PRPF40B: variants seen among roughly 807,000 people sequenced by gnomAD.
The protein encoded by PRPF40B is pre-mRNA processing factor 40B.
A neutral mutation model predicts 124.5 loss-of-function variants in PRPF40B; 56 were observed. That is an observed-to-expected ratio of 0.45 (90% CI 0.36 to 0.56). The LOEUF (loss-of-function observed/expected upper bound fraction) is 0.56. Ranked by LOEUF, PRPF40B falls within the 20% of genes least tolerant of loss-of-function variation. The probability of loss-of-function intolerance (pLI) is 0.00; values close to 1 mark genes in which losing one functional copy is unlikely to be tolerated. For missense variants in PRPF40B, 1,053 were observed against 1,169.5 expected (o/e 0.90, Z 1.45); for synonymous variants, 443 against 426.4 (o/e 1.04, Z -0.48).
At position 49,633,562 on chromosome 12, in the gene PRPF40B, G is replaced by C. The variant is rs7980832; in HGVS notation, c.580+15G>C. Reference sequence around the variant, plus strand: ...TGACCTAGAGGGTGAGATGTCCTACGGGTGGGCCAGGTCAGGAGCTCTGGG... The same window carrying C: ...TGACCTAGAGGGTGAGATGTCCTACCGGTGGGCCAGGTCAGGAGCTCTGGG... On this transcript the variant is annotated intron_variant, in intron 8 of 25. Coordinates refer to ENST00000548825, the MANE Select transcript of PRPF40B (RefSeq NM_001031698.3). 5.6e-6 allele frequency: 9 copies of C among 1,614,220 alleles called. No homozygotes were observed. Among genetic ancestry groups the C allele is most frequent in the African/African-American group, 1.3e-5 (1 of 75,066 alleles).
In PRPF40B at chr12:49,635,678, T is replaced by C. The variant is rs1269392906; in HGVS notation, c.1276-165T>C. On this transcript the variant is annotated intron_variant, in intron 14 of 25. Coordinates refer to ENST00000548825, the MANE Select transcript of PRPF40B (RefSeq NM_001031698.3). The surrounding 1 kb of genome is among the most constrained non-coding windows in gnomAD (Gnocchi z 4.1). ...GCAGGGAGGAGGAGTCTCTGAGAGA[T>C]GGGTCTGTAACCTGTACTCCCTCCC... 2.0e-5 allele frequency among the ~76,000 whole-genome samples: 3 copies of C among 152,054 alleles called. No homozygotes were observed. In the South Asian group the frequency reaches 6.2e-4, roughly 31 times the overall value.
chr12:49,628,130 C>T (rs1427742153), intron 1 of PRPF40B, among the ~76,000 whole-genome samples: 2 of 152,118 alleles, frequency 1.3e-5, no homozygotes, highest in African/African-American at 2.4e-5. Context: ...CTGAGGAAAG[C>T]GTCAGGGGCA....
At chr12:49,632,252 T>C (rs946322293) in intron 4 of PRPF40B, 16 of 576,882 alleles carry the variant, frequency 2.8e-5, no homozygotes, top group African/African-American at 2.2e-4. Context: ...GAAGAGTCAG[T>C]AGCACCTGGG....
At position 49,642,195 on chromosome 12, in the gene PRPF40B, C is replaced by A; in HGVS notation, c.1885-40C>A. The A allele has an allele frequency of 6.2e-7, 1 of 1,613,832 alleles. No homozygotes were observed. The highest frequency in any genetic ancestry group is 8.5e-7 in the Non-Finnish European group (1 of 1,179,904). ...TGCCTGAGTGGGACCTGGCATCCAC[C>A]CTCCTGGGTGACCCTGTTCCGTGTC... On this transcript the variant is annotated intron_variant, in intron 19 of 25. Transcript: ENST00000548825. This position sits in a 1 kb window ranked among gnomAD's most constrained non-coding sequence, Gnocchi z 5.8.
chr12:49,634,699 C>CCAGAGT, intron 12 of PRPF40B, 97 bp downstream of exon 12: 1 of 1,470,716 alleles, frequency 6.8e-7, no homozygotes, highest in Non-Finnish European at 9.4e-7. Context: ...CCTAAGGGAA[C>CCAGAGT]CAGAGTCAGG....
intron 9 of PRPF40B, 33 bp downstream of exon 9, chr12:49,633,694 TGGG>T: frequency 6.2e-7 from 1 of 1,614,050 alleles, no homozygotes; most frequent in Non-Finnish European, 8.5e-7. Context: ...CATTTATAGT[TGGG>T]GCACCTGGAG....
At chr12:49,632,383 TGAG>T (rs1459289790) in intron 4 of PRPF40B, 5 of 611,060 alleles carry the variant, frequency 8.2e-6, no homozygotes, top group African/African-American at 5.5e-5. Context: ...TACTCTCACT[TGAG>T]GAGAACGAAG....
Position 49,644,486 on chromosome 12 carries a change from G to T in PRPF40B, c.*294G>T. 2.4e-6 allele frequency: 1 copy of T among 418,104 alleles called. No individual in the cohort carries two copies. Among genetic ancestry groups the T allele is most frequent in the Non-Finnish European group, 4.5e-6 (1 of 220,928 alleles). 25.9% of individuals were successfully genotyped at this position (418,104 alleles called of 1,614,324 possible). On this transcript the variant is annotated 3_prime_UTR_variant, in exon 26 of 26. Coordinates refer to ENST00000548825, the MANE Select transcript of PRPF40B (RefSeq NM_001031698.3). ...AAAGTGTGAGAGAAGGGGTCTCCAG[G>T]GAAGAGTCACAGGCTGTTGGACGCA... is the stretch of plus-strand genomic sequence containing the variant.
At chr12:49,634,303 C>T (rs1941528038) in intron 10 of PRPF40B, 29 bp from the exon 11 acceptor site, 2 of 1,613,792 alleles carry the variant, frequency 1.2e-6, no homozygotes, top group Admixed American at 3.3e-5. Context: ...GCTGGGGGAC[C>T]CTGTGGCTGA....
In PRPF40B at chr12:49,631,760, A is replaced by C. The variant is rs964382004; in HGVS notation, c.229-100A>C. On this transcript the variant is annotated intron_variant, in intron 3 of 25. Transcript: ENST00000548825. The surrounding 1 kb of genome is among the most constrained non-coding windows in gnomAD (Gnocchi z 4.3). ...CTGAGGAAGTGCCCAAGTGAGGGTC[A>C]TGGCTCCAGTGAGATGTCTCAGGAC... The C allele has an allele frequency of 3.6e-5, 48 of 1,324,976 alleles. No homozygotes were observed. Among genetic ancestry groups the C allele is most frequent in the Middle Eastern group, 2.4e-4 (1 of 4,090 alleles). The allele number at this position is 1,324,976 out of a possible 1,614,324, so 82.1% of individuals were successfully genotyped here.
chr12:49,642,761 AC>A lies in PRPF40B; in HGVS notation c.2118+89del. 6.8e-7 allele frequency: 1 copy of A among 1,476,202 alleles called. No individual in the cohort carries two copies. The highest frequency in any genetic ancestry group is 9.3e-7 in the Non-Finnish European group (1 of 1,077,010). 91.4% of individuals were successfully genotyped at this position (1,476,202 alleles called of 1,614,324 possible). ...CAGAGACCTCAGTGGCCTCCCTCTT[AC>A]CCTTAGGGCACTCCTGGCCAGCTAA... On this transcript the variant is annotated intron_variant, in intron 21 of 25. Coordinates refer to ENST00000548825, the MANE Select transcript of PRPF40B (RefSeq NM_001031698.3). The surrounding 1 kb of genome is among the most constrained non-coding windows in gnomAD (Gnocchi z 5.8).
chr12:49,630,401 G>T, intron 1 of PRPF40B, 144 bp from the exon 2 acceptor site: 1 of 691,000 alleles, frequency 1.4e-6, no homozygotes, highest in South Asian at 1.5e-5. Flanking sequence ...AAGGGCTAAG[G>T]GCTTGGGGTG....
At chr12:49,637,853 ACAGGATGGATG>A in intron 18 of PRPF40B, 29 bp downstream of exon 18, 2 of 1,541,282 alleles carry the variant, frequency 1.3e-6, no homozygotes, top group South Asian at 1.1e-5. Flanking sequence ...ATGGATGGAT[ACAGGATGGATG>A]CAGGGCACAC....
chr12:49,637,201 G>T (rs1275644160), intron 16 of PRPF40B: 1 of 574,884 alleles, frequency 1.7e-6, no homozygotes, highest in Non-Finnish European at 3.1e-6. Context: ...TAGTGCTAGG[G>T]GTTACTGCAG....
chr12:49,643,052 T>C, intron 22 of PRPF40B, 36 bp downstream of exon 22: 2 of 1,605,962 alleles, frequency 1.2e-6, no homozygotes, highest in South Asian at 2.2e-5. Flanking sequence ...GGGGTGAAGC[T>C]GGGTTGTTTT....
Position 49,631,904 on chromosome 12 carries a change from A to G in PRPF40B, c.273A>G (p.Pro91=), listed in dbSNP as rs146982042. The part of the protein sequence containing the change: ...VPPMMPGMLM[P]AVPVTAATAP... ...CGATGATGCCAGGAATGCTGATGCC[A>G]GCGGTGCCTGTCACCGCAGCGGTAA... is the stretch of plus-strand genomic sequence containing the variant. Residue 91 remains proline (P), a synonymous_variant, in exon 4 of 26, where the codon CCA becomes CCG. Coordinates refer to ENST00000548825, the MANE Select transcript of PRPF40B (RefSeq NM_001031698.3). This position sits in a 1 kb window ranked among gnomAD's most constrained non-coding sequence, Gnocchi z 4.3. 576 of 1,614,160 alleles carry G rather than the reference A, an allele frequency of 3.6e-4. 3 individuals carry two copies. Among genetic ancestry groups the G allele is most frequent in the Non-Finnish European group, 3.6e-4 (427 of 1,179,988 alleles).
intron 12 of PRPF40B, 119 bp from the exon 13 acceptor site, chr12:49,634,980 G>A (rs750312376): frequency 1.3e-5 from 14 of 1,070,894 alleles, no homozygotes; most frequent in African/African-American, 3.2e-5. Context: ...TCAGATCCCA[G>A]ACATCTGTGC....
intron 17 of PRPF40B, 36 bp from the exon 18 acceptor site, chr12:49,637,697 G>GC: frequency 6.9e-7 from 1 of 1,450,742 alleles, no homozygotes; most frequent in South Asian, 1.2e-5. Flanking sequence ...TTGGGAAGCT[G>GC]CCGCCCGCCA....
At chr12:49,636,323 T>G (rs963469814) in intron 15 of PRPF40B, among the ~76,000 whole-genome samples, 4 of 152,186 alleles carry the variant, frequency 2.6e-5, no homozygotes, top group African/African-American at 9.7e-5. Flanking sequence ...CTACAGGCCT[T>G]AATTGGTCAC....
Sources: gnomAD v4.1 joint callset for allele counts (sites outside exome capture counted in the v4.1 genomes callset) on GRCh38, gnomAD v4.1.1 for gene constraint, Gnocchi (gnomAD v3.1) non-coding constraint, MANE v1.5 for transcripts, NCBI Gene and HGNC (gene_info 2026-07-23, HGNC 2026-07-21) for gene names.